The following IL5RA variants were observed in gnomAD, a reference collection of about 807,000 sequenced individuals.
IL5RA encodes the protein interleukin 5 receptor subunit alpha.
In IL5RA, 49 loss-of-function variants were observed where a neutral mutation model predicts 50.0. The ratio of observed to expected loss-of-function variants is 0.98; its 90% CI spans 0.78 to 1.24. The LOEUF (loss-of-function observed/expected upper bound fraction) is 1.24, where lower values mean the gene tolerates loss of function less well. IL5RA is among the 50% of genes most tolerant of loss of function. The pLI is 0.00. For synonymous variants in IL5RA, 202 were observed against 174.0 expected, an observed-to-expected ratio of 1.16 and a Z score of -1.26; for missense variants, 600 against 500.4, an observed-to-expected ratio of 1.20 and a Z score of -1.90.
chr3:3,079,815 C>T (rs914052952), intron 9 of IL5RA, among the ~76,000 whole-genome samples: 7 of 152,170 alleles, frequency 4.6e-5, no homozygotes, highest in Admixed American at 3.3e-4. Context: ...AGGCAGATCA[C>T]TTGAGGTCAG....
At chr3:3,094,588 T>C (rs1328667319) in intron 8 of IL5RA, among the ~76,000 whole-genome samples, 1 of 152,250 alleles carries the variant, frequency 6.6e-6, no homozygotes, top group East Asian at 1.9e-4. Context: ...AACATCTCTT[T>C]GAATCCTTGC....
intron 2 of IL5RA, among the ~76,000 whole-genome samples, chr3:3,106,468 A>T (rs916900235): frequency 6.6e-6 from 1 of 152,190 alleles, no homozygotes; most frequent in Non-Finnish European, 1.5e-5. Flanking sequence ...TTGTCAAATA[A>T]GCTTAAGTAC....
chr3:3,092,036 A>T lies in IL5RA; in HGVS notation c.994+188T>A. 7.3e-7 allele frequency: 1 copy of T among 1,362,382 alleles called. No homozygotes were observed. Among genetic ancestry groups the T allele is most frequent in the Non-Finnish European group, 9.4e-7 (1 of 1,061,598 alleles). 84.4% of individuals were successfully genotyped at this position (1,362,382 alleles called of 1,614,324 possible). ...GTTGGCGCTAATGAGAAGCCTAGAC[A>T]CTTAAAAACTTCACTGGCTTCATGG... On this transcript the variant is annotated intron_variant, in intron 9 of 11. Coordinates refer to ENST00000446632, the MANE Select transcript of IL5RA (RefSeq NM_175726.4). The surrounding 1 kb of genome is among the most constrained non-coding windows in gnomAD (Gnocchi z 4.2).
chr3:3,069,353 G>C lies in IL5RA; in HGVS notation c.*872C>G, dbSNP rs1702223516. On this transcript the variant is annotated 3_prime_UTR_variant, in exon 12 of 12. Transcript: ENST00000446632. ...AAACTTGAGAGACTAGGATTGATCTGGCATTACTTGACCAACAAGTTGTTC... is the reference window on the plus strand; with the variant it reads ...AAACTTGAGAGACTAGGATTGATCTCGCATTACTTGACCAACAAGTTGTTC... 3 of 152,176 alleles carry C rather than the reference G, an allele frequency of 2.0e-5. No individual in the cohort carries two copies. Among genetic ancestry groups the C allele is most frequent in the Admixed American group, 6.5e-5 (1 of 15,284 alleles). The allele number at this position is 152,176 out of a possible 1,614,324, so 9.4% of individuals were successfully genotyped here. A position where few individuals can be genotyped will look rare whatever the true frequency, so the allele number is the denominator to read the frequency against.
At chr3:3,104,088 G>A (rs1243244350) in intron 3 of IL5RA, among the ~76,000 whole-genome samples, 2 of 152,182 alleles carry the variant, frequency 1.3e-5, no homozygotes, top group African/African-American at 4.8e-5. Flanking sequence ...GCCCAGGCTG[G>A]AGGGCAGTGT....
rs1360449375 is a variant in IL5RA, at chr3:3,106,950, G to T, written c.-4+1600C>A. ...ATTTATCCTTTGCAATTAAATTGTT[G>T]AAGTAAATGATAAAACTGTTGAATA... On this transcript the variant is annotated intron_variant, in intron 2 of 11. Coordinates refer to ENST00000446632, the MANE Select transcript of IL5RA (RefSeq NM_175726.4). 2.0e-5 allele frequency among the ~76,000 whole-genome samples: 3 copies of T among 152,142 alleles called. No homozygotes were observed. In the East Asian group the frequency reaches 5.8e-4, roughly 29 times the overall value.
chr3:3,093,729 C>G (rs1374242844), intron 8 of IL5RA, among the ~76,000 whole-genome samples: 1 of 152,198 alleles, frequency 6.6e-6, no homozygotes, highest in African/African-American at 2.4e-5. Context: ...ACTGGCTTTT[C>G]CTGTGGGAGG....
At chr3:3,075,847 G>A (rs181090125) in intron 10 of IL5RA, among the ~76,000 whole-genome samples, 9 of 152,166 alleles carry the variant, frequency 5.9e-5, no homozygotes, top group South Asian at 2.1e-4. Flanking sequence ...TGGTCCACCC[G>A]CTGTGGCCTC....
At chr3:3,080,186 C>G (rs1212183225) in intron 9 of IL5RA, among the ~76,000 whole-genome samples, 1 of 152,206 alleles carries the variant, frequency 6.6e-6, no homozygotes, top group Non-Finnish European at 1.5e-5. Context: ...TTCGCTTTTT[C>G]TGAGTGCTTC....
intron 2 of IL5RA, among the ~76,000 whole-genome samples, chr3:3,105,747 A>C (rs759242870): frequency 2.0e-5 from 3 of 152,098 alleles, no homozygotes; most frequent in Non-Finnish European, 4.4e-5. Flanking sequence ...GAAGGAATCT[A>C]GAGCTGGAAA....
rs961129654 is a variant in IL5RA, at chr3:3,068,160, G to C, written c.*2065C>G. On this transcript the variant is annotated 3_prime_UTR_variant, in exon 12 of 12. Transcript: ENST00000446632. ...CACCTGAGAACTTGTTAGAAACGCA[G>C]CTTTTCAGACCTCACCCAGACCTAT... The C allele has an allele frequency of 5.9e-5, 9 of 152,256 alleles. No homozygotes were observed. Among genetic ancestry groups the C allele is most frequent in the Non-Finnish European group, 1.2e-4 (8 of 68,138 alleles). 9.4% of individuals were successfully genotyped at this position (152,256 alleles called of 1,614,324 possible).
intron 3 of IL5RA, among the ~76,000 whole-genome samples, chr3:3,103,618 C>T (rs977619866): frequency 2.0e-5 from 3 of 152,214 alleles, no homozygotes; most frequent in Non-Finnish European, 4.4e-5. Context: ...CTTCCCCCTG[C>T]ATGAGCCATT....
rs1162031999 is a variant in IL5RA at position 3,110,103 on chromosome 3, T to C, written c.-304A>G. The C allele has an allele frequency of 6.6e-6, 1 of 152,204 alleles. No homozygotes were observed. Among genetic ancestry groups the C allele is most frequent in the Non-Finnish European group, 1.5e-5 (1 of 68,044 alleles). 9.4% of individuals were successfully genotyped at this position (152,204 alleles called of 1,614,324 possible). Reference sequence around the variant, plus strand: ...TCAGGCAGCTTCCTTCATGATGGGATGGCAACACGTTTTCTCTAAGCAAAT... The same window carrying C: ...TCAGGCAGCTTCCTTCATGATGGGACGGCAACACGTTTTCTCTAAGCAAAT... On this transcript the variant is annotated 5_prime_UTR_variant, in exon 1 of 12. Coordinates refer to ENST00000446632, the MANE Select transcript of IL5RA (RefSeq NM_175726.4).
chr3:3,105,074 G>T lies in IL5RA; in HGVS notation c.-3-87C>A, dbSNP rs544145249. ...CTGCTTTCTAACATAAAATGCAGTC[G>T]TTTGGCCATTTAACAGACATTTATG... On this transcript the variant is annotated intron_variant, in intron 2 of 11. Coordinates refer to ENST00000446632, the MANE Select transcript of IL5RA (RefSeq NM_175726.4). 4.8e-6 allele frequency: 4 copies of T among 841,774 alleles called. No individual in the cohort carries two copies. The Admixed American group carries it at 6.0e-5, about 13-fold the overall frequency. The allele number at this position is 841,774 out of a possible 1,614,324, so 52.1% of individuals were successfully genotyped here. A position where few individuals can be genotyped will look rare whatever the true frequency, so the allele number is the denominator to read the frequency against.
intron 9 of IL5RA, among the ~76,000 whole-genome samples, chr3:3,085,752 C>A (rs780131480): frequency 2.6e-5 from 4 of 152,174 alleles, no homozygotes; most frequent in Non-Finnish European, 5.9e-5. Flanking sequence ...TGATACCCTA[C>A]CTCAACCCAT....
chr3:3,102,062 T>A (rs985829790), intron 4 of IL5RA, among the ~76,000 whole-genome samples: 2 of 152,162 alleles, frequency 1.3e-5, no homozygotes, highest in African/African-American at 4.8e-5. Flanking sequence ...ACAGTTAAAC[T>A]CAAGTTCCCT....
At chr3:3,078,446 CAT>C (rs1397765203) in intron 9 of IL5RA, among the ~76,000 whole-genome samples, 1 of 152,182 alleles carries the variant, frequency 6.6e-6, no homozygotes, top group East Asian at 1.9e-4. Context: ...TTCAAATATT[CAT>C]AGAGTCCTTC....
rs1468030726 is a variant in IL5RA at position 3,067,550 on chromosome 3, G to A, written c.*2675C>T. The A allele has an allele frequency of 2.6e-5, 4 of 152,304 alleles. No homozygotes were observed. The highest frequency in any genetic ancestry group is 7.2e-5 in the African/African-American group (3 of 41,562). 9.4% of individuals were successfully genotyped at this position (152,304 alleles called of 1,614,324 possible). A position where few individuals can be genotyped will look rare whatever the true frequency, so the allele number is the denominator to read the frequency against. ...TCTACAATGCAGTAGCTCTAACACG[G>A]GTATGAGGCCCAGAATGAGAATCCA... is the stretch of plus-strand genomic sequence containing the variant. On this transcript the variant is annotated 3_prime_UTR_variant, in exon 12 of 12. Transcript: ENST00000446632.
chr3:3,080,207 G>C (rs1342578154), intron 9 of IL5RA, among the ~76,000 whole-genome samples: 4 of 152,186 alleles, frequency 2.6e-5, no homozygotes. Context: ...TAGGTGCTCA[G>C]ATACTGTGTA....
Sources: allele counts gnomAD v4.1 joint callset (sites outside exome capture counted in the v4.1 genomes callset), GRCh38; gene constraint gnomAD v4.1.1; non-coding constraint Gnocchi (gnomAD v3.1); transcripts MANE v1.5; gene names NCBI Gene and HGNC (gene_info 2026-07-23, HGNC 2026-07-21).